The following CD300LF variants were observed in gnomAD, a reference collection of about 807,000 sequenced individuals.
CD300LF encodes CMRF35-like molecule 1.
Under a neutral mutation model 32.2 loss-of-function variants are expected in CD300LF, and 27 were observed. The ratio of observed to expected loss-of-function variants is 0.84; its 90% confidence interval spans 0.62 to 1.15. CD300LF has a LOEUF of 1.15. Among genes scored for constraint, CD300LF ranks in the 50% most tolerant of loss-of-function variants. The probability of loss-of-function intolerance (pLI) is 0.00; values close to 1 mark genes in which losing one functional copy is unlikely to be tolerated. For synonymous variants in CD300LF, 139 were observed against 143.2 expected (o/e 0.97, Z 0.21); for missense variants, 348 against 356.8 (o/e 0.98, Z 0.20).
At chr17:74,703,154 T>C (rs373029965) in intron 2 of CD300LF, 56 bp from the exon 3 acceptor site, 12 of 1,609,392 alleles carry the variant, frequency 7.5e-6, no homozygotes, top group African/African-American at 2.7e-5. Flanking sequence ...CTGTAGTTGA[T>C]GCTTGGTGTA....
chr17:74,697,483 T>G (rs2032607321), intron 4 of CD300LF, among the ~76,000 whole-genome samples: 1 of 152,168 alleles, frequency 6.6e-6, no homozygotes, highest in Non-Finnish European at 1.5e-5. Flanking sequence ...GCTCTAATTT[T>G]GAAAAAGCAT....
intron 3 of CD300LF, among the ~76,000 whole-genome samples, chr17:74,701,778 A>C (rs1354619615): frequency 6.7e-6 from 1 of 148,838 alleles, no homozygotes; most frequent in Non-Finnish European, 1.5e-5. Flanking sequence ...TGAACCTGGG[A>C]GGTGGAAGTT....
At position 74,695,152 on chromosome 17, in the gene CD300LF, G is replaced by C. The variant is rs1598197425; in HGVS notation, c.817C>G (p.Leu273Val). Reference protein sequence around the residue: ...YCNMGHLSSHLPGRGPEEPTE... With the variant: ...YCNMGHLSSHVPGRGPEEPTE... ...GGCTCCTCAGGGCCCCTGCCGGGGA[G>C]GTGGCTACTGAGGTGGCCCATGTTG... is the stretch of plus-strand genomic sequence containing the variant. Residue 273 changes from leucine to valine, a missense_variant, in exon 7 of 7, where the codon CTC (leucine) becomes GTC (valine). By Grantham distance (32) the Leu-to-Val change is conservative. Coordinates refer to ENST00000326165, the MANE Select transcript of CD300LF (RefSeq NM_139018.5). The C allele has an allele frequency of 6.2e-7, 1 of 1,614,172 alleles. No homozygotes were observed. The highest frequency in any genetic ancestry group is 8.5e-7 in the Non-Finnish European group (1 of 1,180,014).
At chr17:74,696,487 G>A (rs2032489918) in intron 4 of CD300LF, among the ~76,000 whole-genome samples, 1 of 152,148 alleles carries the variant, frequency 6.6e-6, no homozygotes, top group Non-Finnish European at 1.5e-5. Context: ...CAGCTGATCG[G>A]GTGGCCCTGC....
rs751098808 is a variant in CD300LF, at chr17:74,698,468, T to G, written c.460A>C (p.Lys154Gln). 31 of 1,613,630 alleles carry G rather than the reference T, an allele frequency of 1.9e-5. No homozygotes were observed. Among genetic ancestry groups the G allele is most frequent in the Middle Eastern group, 3.3e-4 (2 of 6,048 alleles). Residue 154 changes from lysine (K) to glutamine (Q), a missense_variant, in exon 4 of 7, where the codon AAG (lysine) becomes CAG (glutamine). Coordinates refer to ENST00000326165, the MANE Select transcript of CD300LF (RefSeq NM_139018.5). ...HHLDNRHKLLKLSVLLPLIFT... is the reference protein window; with the variant it reads ...HHLDNRHKLLQLSVLLPLIFT... Reference sequence around the variant, plus strand: ...ATGAGGGGCAGGAGGACACTGAGCTTCAGGAGCTTGTGCCTAGAAACAATG... The same window carrying G: ...ATGAGGGGCAGGAGGACACTGAGCTGCAGGAGCTTGTGCCTAGAAACAATG...
chr17:74,695,909 C>A (rs1411937685), intron 5 of CD300LF, 50 bp from the exon 6 acceptor site: 1 of 1,584,644 alleles, frequency 6.3e-7, no homozygotes, highest in Non-Finnish European at 8.6e-7. Flanking sequence ...TCTGTGGACA[C>A]AGGTTCCTTT....
At chr17:74,695,402 C>T (rs1489966787) in intron 6 of CD300LF, 151 bp from the exon 7 acceptor site, 2 of 945,630 alleles carry the variant, frequency 2.1e-6, no homozygotes, top group East Asian at 2.6e-5. Context: ...CTCTGCCAAG[C>T]ACCCTGAGCT....
intron 2 of CD300LF, 176 bp from the exon 3 acceptor site, chr17:74,703,274 G>C (rs771644867): frequency 4.1e-5 from 27 of 661,124 alleles, no homozygotes; most frequent in Non-Finnish European, 6.0e-5. Context: ...CTGCAGCCTG[G>C]ACCACTCATG....
Position 74,704,556 on chromosome 17 carries a change from C to T in CD300LF, c.304G>A (p.Asp102Asn), listed in dbSNP as rs2033350902. 1.2e-6 allele frequency: 2 copies of T among 1,614,224 alleles called. No homozygotes were observed. Among genetic ancestry groups the T allele is most frequent in the Non-Finnish European group, 1.7e-6 (2 of 1,180,040 alleles). Residue 102 changes from aspartate (D) to asparagine (N), a missense_variant, in exon 2 of 7, where the codon GAT becomes AAT. Asp to Asn is a conservative substitution (Grantham distance 23). Transcript: ENST00000326165. ...TVTMEDLMKT[D>N]ADTYWCGIEK... Reference sequence around the variant, plus strand: ...ATTCCACACCAGTAAGTGTCAGCATCAGTTTTCATGAGATCCTCCATGGTC... The same window carrying T: ...ATTCCACACCAGTAAGTGTCAGCATTAGTTTTCATGAGATCCTCCATGGTC...
chr17:74,710,136 G>A (rs1474402873), intron 1 of CD300LF, among the ~76,000 whole-genome samples: 4 of 151,830 alleles, frequency 2.6e-5, no homozygotes, highest in African/African-American at 7.3e-5. Context: ...CCACCACCAC[G>A]CCCAGCTAAT....
chr17:74,711,308 C>T (rs2033945310), intron 1 of CD300LF, among the ~76,000 whole-genome samples: 1 of 152,116 alleles, frequency 6.6e-6, no homozygotes, highest in African/African-American at 2.4e-5. Flanking sequence ...ACTCCCACTC[C>T]CAACACGACT....
rs759263296 is a variant in CD300LF, at chr17:74,695,818, C to T, written c.624G>A (p.Leu208=). 1 of 1,614,142 alleles carries T rather than the reference C, an allele frequency of 6.2e-7. No individual in the cohort carries two copies. Among genetic ancestry groups the T allele is most frequent in the South Asian group, 1.1e-5 (1 of 91,082 alleles). Residue 208 remains leucine (L), a synonymous_variant, in exon 6 of 7, where the codon CTG becomes CTA. Transcript: ENST00000326165. ...GGGAGGTTCCGGCCAGCTGCAGGGTCAGGTCTGCATAGCAGAGGTCGCCCT... is the reference window on the plus strand; with the variant it reads ...GGGAGGTTCCGGCCAGCTGCAGGGTTAGGTCTGCATAGCAGAGGTCGCCCT... The part of the protein sequence containing the change: ...PLEGDLCYAD[L]TLQLAGTSPQ...
intron 3 of CD300LF, among the ~76,000 whole-genome samples, chr17:74,700,880 G>C (rs2032991651): frequency 6.6e-6 from 1 of 152,024 alleles, no homozygotes; most frequent in Non-Finnish European, 1.5e-5. Context: ...TTTGAAGATA[G>C]GATCTTTAAA....
rs1348553756 is a variant in CD300LF at position 74,699,917 on chromosome 17, G to A, written c.447-1436C>T. ...GCAACTTGGGAGGCTGAAGTAGGCA[G>A]GTCACTTGAGGTCAGGAGTTCAAGA... is the stretch of plus-strand genomic sequence containing the variant. On this transcript the variant is annotated intron_variant, in intron 3 of 6. Transcript: ENST00000326165. Among the ~76,000 whole-genome samples the A allele has an allele frequency of 1.3e-5, 2 of 151,990 alleles. 1 individual carries two copies. The highest frequency in any genetic ancestry group is 2.9e-5 in the Non-Finnish European group (2 of 68,010).
intron 3 of CD300LF, among the ~76,000 whole-genome samples, chr17:74,702,195 G>A (rs1236922214): frequency 6.6e-6 from 1 of 152,110 alleles, no homozygotes; most frequent in Non-Finnish European, 1.5e-5. Flanking sequence ...TAAAAACAAA[G>A]TCAAGAGGGC....
In CD300LF at chr17:74,698,383, T is replaced by G; in HGVS notation, c.545A>C (p.Lys182Thr). 1 of 1,613,032 alleles carries G rather than the reference T, an allele frequency of 6.2e-7. No individual in the cohort carries two copies. Among genetic ancestry groups the G allele is most frequent in the Non-Finnish European group, 8.5e-7 (1 of 1,179,250 alleles). ...GGTCCTCTCACCTTTCTGCTGGTACTTCATCATCCTCCAAGCCAAGAGTGA... is the reference window on the plus strand; with the variant it reads ...GGTCCTCTCACCTTTCTGCTGGTACGTCATCATCCTCCAAGCCAAGAGTGA... The part of the protein sequence containing the change: ...AASLLAWRMM[K>T]YQQKAAGMSP... The change falls in exon 4 of 7, where the codon AAG (lysine) becomes ACG (threonine). Residue 182 changes from lysine to threonine, a missense_variant. Coordinates refer to ENST00000326165, the MANE Select transcript of CD300LF (RefSeq NM_139018.5).
rs1281482883 is a variant in CD300LF, at chr17:74,695,682, TC to T, written c.717+42del. The T allele has an allele frequency of 3.0e-5, 48 of 1,612,514 alleles. No homozygotes were observed. The Middle Eastern group carries it at 8.4e-4, about 28-fold the overall frequency. ...AACGGGGTGCAACGGCAGGCCTGTG[TC>T]CCCCTGCCCCAGCCTCACAGCAGCC... On this transcript the variant is annotated intron_variant, in intron 6 of 6. Transcript: ENST00000326165.
intron 3 of CD300LF, among the ~76,000 whole-genome samples, chr17:74,700,139 CTCAA>C (rs1046403457): frequency 2.4e-5 from 3 of 124,180 alleles, no homozygotes; most frequent in African/African-American, 7.8e-5. Flanking sequence ...AAGACCCTGT[CTCAA>C]TAAATAAATA....
In CD300LF at chr17:74,698,437, G is replaced by T; in HGVS notation, c.491C>A (p.Thr164Asn). The T allele has an allele frequency of 6.2e-7, 1 of 1,614,028 alleles. No individual in the cohort carries two copies. Among genetic ancestry groups the T allele is most frequent in the Non-Finnish European group, 8.5e-7 (1 of 1,179,996 alleles). Reference protein sequence around the residue: ...KLSVLLPLIFTILLLLLVAAS... With the variant: ...KLSVLLPLIFNILLLLLVAAS... The stretch of plus-strand genomic sequence containing the variant: ...GGCCACCAAAAGCAGCAGCAATATG[G>T]TGAAGATGAGGGGCAGGAGGACACT... Residue 164 changes from threonine (T) to asparagine (N), a missense_variant, in exon 4 of 7, where the codon ACC (threonine) becomes AAC (asparagine). Coordinates refer to ENST00000326165, the MANE Select transcript of CD300LF (RefSeq NM_139018.5).
Sources: allele counts gnomAD v4.1 joint callset (sites outside exome capture counted in the v4.1 genomes callset), GRCh38; gene constraint gnomAD v4.1.1; transcripts MANE v1.5; gene names NCBI Gene and HGNC (gene_info 2026-07-23, HGNC 2026-07-21).